ANO4: variants seen among roughly 807,000 people sequenced by gnomAD.
ANO4 encodes anoctamin-4.
In ANO4, 69 loss-of-function variants were observed where a neutral mutation model predicts 141.9. That is an observed-to-expected ratio of 0.49 (90% confidence interval 0.40 to 0.59). The LOEUF (loss-of-function observed/expected upper bound fraction) is 0.59, where lower values mean the gene tolerates loss of function less well. Ranked by LOEUF, ANO4 falls within the 20% of genes least tolerant of loss-of-function variation. The probability of loss-of-function intolerance (pLI) is 0.00; values close to 1 mark genes in which losing one functional copy is unlikely to be tolerated. For synonymous variants in ANO4, 350 were observed against 394.3 expected, an observed-to-expected ratio of 0.89 and a Z score of 1.33; for missense variants, 894 against 1,162.2, an observed-to-expected ratio of 0.77 and a Z score of 3.36.
At chr12:100,986,682 AT>A (rs553000754) in intron 7 of ANO4, among the ~76,000 whole-genome samples, 67 of 152,264 alleles carry the variant, frequency 4.4e-4, no homozygotes, top group Non-Finnish European at 8.5e-4. Flanking sequence ...TTTAGAAGGT[AT>A]TTTTTCCAGT....
intron 1 of ANO4, among the ~76,000 whole-genome samples, chr12:100,893,012 C>CAT (rs1391345332): frequency 1.3e-5 from 2 of 151,960 alleles, no homozygotes; most frequent in Non-Finnish European, 2.9e-5. Flanking sequence ...ATTCAGGGGA[C>CAT]ATATATATAG....
intron 8 of ANO4, among the ~76,000 whole-genome samples, chr12:100,998,211 T>A (rs1446355971): frequency 6.6e-6 from 1 of 152,132 alleles, no homozygotes; most frequent in Admixed American, 6.5e-5. Context: ...ACTGGCCTAG[T>A]CTCCTAGCCT....
intron 14 of ANO4, among the ~76,000 whole-genome samples, chr12:101,073,208 G>C (rs999569705): frequency 1.3e-5 from 2 of 151,286 alleles, no homozygotes; most frequent in African/African-American, 4.9e-5. Context: ...TTAAGAAAAT[G>C]TGGCACATAT....
intron 1 of ANO4, among the ~76,000 whole-genome samples, chr12:100,831,176 T>G (rs2036612434): frequency 6.6e-6 from 1 of 152,116 alleles, no homozygotes; most frequent in Non-Finnish European, 1.5e-5. Flanking sequence ...ACTGGATGAC[T>G]TTTCCTTGAG....
At chr12:100,853,494 G>T (rs1206981763) in intron 1 of ANO4, among the ~76,000 whole-genome samples, 1 of 152,050 alleles carries the variant, frequency 6.6e-6, no homozygotes, top group Non-Finnish European at 1.5e-5. Flanking sequence ...GTTTTCATAT[G>T]CATTGGTTTC....
intron 16 of ANO4, among the ~76,000 whole-genome samples, chr12:101,084,930 C>G (rs1432450745): frequency 6.6e-6 from 1 of 152,160 alleles, no homozygotes; most frequent in East Asian, 1.9e-4. Flanking sequence ...TTGAATCCAG[C>G]CAGCTGTCCA....
chr12:101,101,513 G>A (rs575427920), intron 22 of ANO4, among the ~76,000 whole-genome samples: 1 of 151,984 alleles, frequency 6.6e-6, no homozygotes, highest in East Asian at 1.9e-4. Context: ...TCCACTCCCA[G>A]ATGAGCCCCA....
At chr12:100,960,564 G>A (rs551109360) in intron 5 of ANO4, among the ~76,000 whole-genome samples, 7 of 151,074 alleles carry the variant, frequency 4.6e-5, no homozygotes, top group Admixed American at 2.0e-4. Flanking sequence ...TAACAAACCT[G>A]CACATTCTGC....
intron 14 of ANO4, among the ~76,000 whole-genome samples, chr12:101,052,078 G>T (rs1365434292): frequency 2.0e-5 from 3 of 152,172 alleles, no homozygotes; most frequent in African/African-American, 7.2e-5. Context: ...GAAGGGCTGG[G>T]CTTGACGTGT....
At chr12:100,745,921 T>A (rs2032080840) in intron 3 of ANO4, among the ~76,000 whole-genome samples, 1 of 152,174 alleles carries the variant, frequency 6.6e-6, no homozygotes, top group African/African-American at 2.4e-5. Flanking sequence ...AAAGACACAT[T>A]ACCTGCAAGT....
intron 22 of ANO4, among the ~76,000 whole-genome samples, chr12:101,106,115 GA>G (rs2050430046): frequency 6.6e-6 from 1 of 151,962 alleles, no homozygotes; most frequent in East Asian, 1.9e-4. Context: ...TCAAAAAAAA[GA>G]AAAAGAAAAA....
chr12:101,057,970 T>C (rs1057029174), intron 14 of ANO4, among the ~76,000 whole-genome samples: 1 of 152,222 alleles, frequency 6.6e-6, no homozygotes, highest in Non-Finnish European at 1.5e-5. Flanking sequence ...TGCCTAGGTT[T>C]TCCTCTAGGA....
intron 13 of ANO4, among the ~76,000 whole-genome samples, chr12:101,046,325 T>C (rs756235103): frequency 1.3e-5 from 2 of 152,096 alleles, no homozygotes; most frequent in Admixed American, 6.5e-5. Context: ...TTCCCTGATA[T>C]TGCTCCAGGA....
At chr12:100,914,804 T>G (rs1364582801) in intron 2 of ANO4, among the ~76,000 whole-genome samples, 1 of 152,090 alleles carries the variant, frequency 6.6e-6, no homozygotes, top group African/African-American at 2.4e-5. Flanking sequence ...AGAATGGACC[T>G]CCCTCCCTTC....
rs1016409349 is a variant in ANO4, at chr12:100,754,289, C to G, written c.358+14184C>G. On this transcript the variant is annotated intron_variant, in intron 3 of 29. Coordinates refer to the ANO4 transcript ENST00000644049. ...TTGCTCATTCTACCTCACAAATGTC[C>G]CTCAAGTCTATGCTCTTTTCTTTAG... Among the ~76,000 whole-genome samples the G allele has an allele frequency of 1.5e-4, 23 of 152,196 alleles. 1 individual carries two copies. The highest frequency in any genetic ancestry group is 7.2e-5 in the African/African-American group (3 of 41,450).
At chr12:100,814,275 C>T (rs191090430) in intron 1 of ANO4, among the ~76,000 whole-genome samples, 40 of 152,158 alleles carry the variant, frequency 2.6e-4, no homozygotes, top group African/African-American at 9.4e-4. Flanking sequence ...GTATAGAATT[C>T]AATAAGTTAT....
At chr12:100,780,940 C>T (rs2033693236) in intron 3 of ANO4, among the ~76,000 whole-genome samples, 1 of 152,160 alleles carries the variant, frequency 6.6e-6, no homozygotes, top group African/African-American at 2.4e-5. Flanking sequence ...TATTTTAAGG[C>T]ATTAATAATT....
intron 1 of ANO4, among the ~76,000 whole-genome samples, chr12:100,719,434 G>A (rs1430301331): frequency 6.6e-6 from 1 of 152,154 alleles, no homozygotes; most frequent in Non-Finnish European, 1.5e-5. Context: ...TATCTGATGA[G>A]AGCTTGGTCC....
chr12:101,087,869 C>T (rs754563710), intron 17 of ANO4, among the ~76,000 whole-genome samples: 3 of 152,148 alleles, frequency 2.0e-5, no homozygotes, highest in South Asian at 2.1e-4. Context: ...CTGCACATCC[C>T]GAAGTCCCAC....
Sources: gnomAD v4.1 joint callset for allele counts (sites outside exome capture counted in the v4.1 genomes callset) on GRCh38, gnomAD v4.1.1 for gene constraint, MANE v1.5 for transcripts, NCBI Gene and HGNC (gene_info 2026-07-23, HGNC 2026-07-21) for gene names.